The following DOCK3 variants were observed in gnomAD, a reference collection of about 807,000 sequenced individuals.
The protein encoded by DOCK3 is dedicator of cytokinesis protein 3.
In DOCK3, 60 loss-of-function variants were observed where a neutral mutation model predicts 265.6. That is an observed-to-expected ratio of 0.23 (90% CI 0.18 to 0.28). DOCK3 has a LOEUF of 0.28. Among genes scored for constraint, DOCK3 ranks in the 10% least tolerant of loss-of-function variants. The pLI, the probability that DOCK3 is intolerant of heterozygous loss-of-function variation, is 1.00. For synonymous variants in DOCK3, 881 were observed against 938.0 expected, an observed-to-expected ratio of 0.94 and a Z score of 1.11; for missense variants, 1,981 against 2,594.3, an observed-to-expected ratio of 0.76 and a Z score of 5.14.
intron 5 of DOCK3, among the ~76,000 whole-genome samples, chr3:50,983,151 G>A (rs1448674420): frequency 6.6e-6 from 1 of 152,114 alleles, no homozygotes; most frequent in Non-Finnish European, 1.5e-5. Context: ...GACTTTGGGT[G>A]CCCCCTCTGG....
At position 51,285,794 on chromosome 3, in the gene DOCK3, G is replaced by A. The variant is rs543810608; in HGVS notation, c.2922+5590G>A. ...CTAAAAATAAAAAAAAATTAGCTGG[G>A]TGTGGTGGCGGGCGCCTGTAATCCC... On this transcript the variant is annotated intron_variant, in intron 27 of 52. Coordinates refer to ENST00000266037, the MANE Select transcript of DOCK3 (RefSeq NM_004947.5). Among the ~76,000 whole-genome samples the A allele has an allele frequency of 5.9e-5, 9 of 152,100 alleles. No homozygotes were observed. The South Asian group carries it at 1.9e-3, about 32-fold the overall frequency.
chr3:51,132,141 A>C (rs1475138603), intron 9 of DOCK3, among the ~76,000 whole-genome samples: 1 of 152,152 alleles, frequency 6.6e-6, no homozygotes, highest in African/African-American at 2.4e-5. Flanking sequence ...CTAACCAAAT[A>C]AACTATTAGA....
At chr3:50,899,201 T>G (rs1235394337) in intron 4 of DOCK3, among the ~76,000 whole-genome samples, 1 of 152,228 alleles carries the variant, frequency 6.6e-6, no homozygotes, top group African/African-American at 2.4e-5. Flanking sequence ...TTAGCTCTTC[T>G]TGTTGTATTG....
chr3:51,174,881 C>T lies in DOCK3; in HGVS notation c.1037+14179C>T, dbSNP rs968920844. Among the ~76,000 whole-genome samples the T allele has an allele frequency of 3.3e-5, 5 of 152,318 alleles. 1 individual carries two copies. The South Asian group carries it at 1.0e-3, about 32-fold the overall frequency. The stretch of plus-strand genomic sequence containing the variant: ...AATGGAGTCTGAAGTTGGTGGGCCT[C>T]TTTCCAGGAGTTCAGGTGAGTGTGG... On this transcript the variant is annotated intron_variant, in intron 12 of 52. Coordinates refer to ENST00000266037, the MANE Select transcript of DOCK3 (RefSeq NM_004947.5).
rs761953062 is a variant in DOCK3, at chr3:51,339,038, G to C, written c.3766+10G>C. On this transcript the variant is annotated intron_variant, in intron 37 of 52. Coordinates refer to ENST00000266037, the MANE Select transcript of DOCK3 (RefSeq NM_004947.5). ...GCCGAAAACTACACAGGTAAGTGGG[G>C]AGAAGAGAGAGCCATGCCTGACCAT... 30 of 1,571,272 alleles carry C rather than the reference G, an allele frequency of 1.9e-5. No homozygotes were observed. The highest frequency in any genetic ancestry group is 3.4e-4 in the Middle Eastern group (2 of 5,886).
At chr3:51,363,248 G>A (rs186192831) in intron 49 of DOCK3, among the ~76,000 whole-genome samples, 21 of 152,272 alleles carry the variant, frequency 1.4e-4, no homozygotes, top group South Asian at 1.2e-3. Context: ...TCTTTTTCAC[G>A]TTCTAATCCT....
chr3:50,772,923 A>G (rs991653943), intron 1 of DOCK3, among the ~76,000 whole-genome samples: 1 of 152,160 alleles, frequency 6.6e-6, no homozygotes, highest in Non-Finnish European at 1.5e-5. Context: ...CTTCACAGAA[A>G]TAGAAAAAAA....
chr3:50,959,558 G>GTATA (rs35114347), intron 5 of DOCK3, among the ~76,000 whole-genome samples: 9 of 139,448 alleles, frequency 6.5e-5, no homozygotes, highest in East Asian at 4.4e-4. Flanking sequence ...GTGTGTGTGT[G>GTATA]TATATATATA....
At chr3:50,783,116 C>T (rs1466623025) in intron 2 of DOCK3, among the ~76,000 whole-genome samples, 3 of 151,862 alleles carry the variant, frequency 2.0e-5, no homozygotes, top group East Asian at 1.9e-4. Flanking sequence ...TTTGCAGTTG[C>T]GAATTGTGCT....
chr3:50,874,993 A>G (rs2047630244), intron 3 of DOCK3, among the ~76,000 whole-genome samples: 1 of 152,194 alleles, frequency 6.6e-6, no homozygotes, highest in Non-Finnish European at 1.5e-5. Flanking sequence ...TCTCACTCAT[A>G]AGTGGGAGTT....
At chr3:50,930,564 C>A (rs2051006887) in intron 4 of DOCK3, among the ~76,000 whole-genome samples, 1 of 152,216 alleles carries the variant, frequency 6.6e-6, no homozygotes, top group African/African-American at 2.4e-5. Context: ...CTTGCTGGGC[C>A]CAGGCCAGTG....
intron 7 of DOCK3, among the ~76,000 whole-genome samples, chr3:51,087,079 T>C (rs2082454341): frequency 6.6e-6 from 1 of 152,188 alleles, no homozygotes; most frequent in Non-Finnish European, 1.5e-5. Context: ...CTTTTCAAAC[T>C]GTTCCAAAAA....
intron 9 of DOCK3, among the ~76,000 whole-genome samples, chr3:51,134,449 A>G (rs539343105): frequency 2.4e-4 from 37 of 152,286 alleles, no homozygotes; most frequent in African/African-American, 3.4e-4. Flanking sequence ...GAAAAAGCCA[A>G]TTTTCTGGGA....
chr3:50,969,607 G>A (rs921857672), intron 5 of DOCK3, among the ~76,000 whole-genome samples: 1 of 152,012 alleles, frequency 6.6e-6, no homozygotes, highest in African/African-American at 2.4e-5. Context: ...TTTTATGATG[G>A]CAAGTATCAA....
chr3:50,936,562 T>A lies in DOCK3; in HGVS notation c.315+2485T>A, dbSNP rs574021288. Among the ~76,000 whole-genome samples, 5 of 152,206 alleles carry A rather than the reference T, an allele frequency of 3.3e-5. No individual in the cohort carries two copies. In the South Asian group the frequency reaches 1.0e-3, roughly 32 times the overall value. On this transcript the variant is annotated intron_variant, in intron 5 of 52. Transcript: ENST00000266037. Reference sequence around the variant, plus strand: ...CCAAAGAAGAAATCTTGAAGGTAGCTAGAGGACATTAACACATTAGCTGTG... The same window carrying A: ...CCAAAGAAGAAATCTTGAAGGTAGCAAGAGGACATTAACACATTAGCTGTG...
intron 7 of DOCK3, among the ~76,000 whole-genome samples, chr3:51,081,793 G>A (rs1225662172): frequency 6.6e-6 from 1 of 151,810 alleles, no homozygotes; most frequent in South Asian, 2.1e-4. Context: ...CTACTCGGGA[G>A]GCTGAGGCAG....
chr3:50,933,890 T>C, intron 4 of DOCK3, 91 bp from the exon 5 acceptor site: 1 of 775,800 alleles, frequency 1.3e-6, no homozygotes, highest in East Asian at 2.8e-5. Context: ...AAATTTAAAA[T>C]TTGAGTTAAA....
At position 50,846,699 on chromosome 3, in the gene DOCK3, T is replaced by C. The variant is rs2046101102; in HGVS notation, c.162+4984T>C. 2.6e-5 allele frequency among the ~76,000 whole-genome samples: 4 copies of C among 152,296 alleles called. No individual in the cohort carries two copies. The South Asian group carries it at 8.3e-4, about 32-fold the overall frequency. On this transcript the variant is annotated intron_variant, in intron 3 of 52. Coordinates refer to ENST00000266037, the MANE Select transcript of DOCK3 (RefSeq NM_004947.5). Reference sequence around the variant, plus strand: ...AATTTTTGAACTTGATATTGGTCTGTTCAGGGTTTCAGTTTCTTCCTGATT... The same window carrying C: ...AATTTTTGAACTTGATATTGGTCTGCTCAGGGTTTCAGTTTCTTCCTGATT...
At position 51,217,154 on chromosome 3, in the gene DOCK3, G is replaced by GTT. The variant is rs11382989; in HGVS notation, c.1252+2917_1252+2918dup. Reference sequence around the variant, plus strand: ...AACTATCAAACACTCATTTGGAAAGGTTTTTTTTTTTGGTCAGGATGGCCC... The same window carrying GTT: ...AACTATCAAACACTCATTTGGAAAGGTTTTTTTTTTTTTGGTCAGGATGGCCC... On this transcript the variant is annotated intron_variant, in intron 14 of 52. Transcript: ENST00000266037. 1.3e-3 allele frequency among the ~76,000 whole-genome samples: 187 copies of GTT among 149,062 alleles called. 1 individual carries two copies. The highest frequency in any genetic ancestry group is 1.7e-3 in the South Asian group (8 of 4,734).
Sources: gnomAD v4.1 joint callset for allele counts (sites outside exome capture counted in the v4.1 genomes callset) on GRCh38, gnomAD v4.1.1 for gene constraint, MANE v1.5 for transcripts, NCBI Gene and HGNC (gene_info 2026-07-23, HGNC 2026-07-21) for gene names.